The following SLC4A4 variants were observed in gnomAD, a reference collection of about 807,000 sequenced individuals.
SLC4A4 encodes solute carrier family 4 member 4.
A neutral mutation model predicts 111.5 loss-of-function variants in SLC4A4; 27 were observed. That is an observed-to-expected ratio of 0.24 (90% confidence interval 0.18 to 0.33). The LOEUF (loss-of-function observed/expected upper bound fraction) is 0.33. Ranked by LOEUF, SLC4A4 falls within the 10% of genes least tolerant of loss-of-function variation. The probability of loss-of-function intolerance (pLI) is 1.00; values close to 1 mark genes in which losing one functional copy is unlikely to be tolerated. For missense variants in SLC4A4, 909 were observed against 1,315.5 expected, an observed-to-expected ratio of 0.69 and a Z score of 4.78; for synonymous variants, 443 against 463.4, an observed-to-expected ratio of 0.96 and a Z score of 0.57.
intron 16 of SLC4A4, among the ~76,000 whole-genome samples, chr4:71,510,716 G>A (rs1462129892): frequency 1.3e-5 from 2 of 152,062 alleles, no homozygotes; most frequent in Admixed American, 1.3e-4. Context: ...TACATTCAAG[G>A]TAACTTTTAT....
intron 9 of SLC4A4, among the ~76,000 whole-genome samples, chr4:71,448,058 G>A (rs1469912348): frequency 2.0e-5 from 3 of 152,056 alleles, no homozygotes; most frequent in Non-Finnish European, 4.4e-5. Context: ...GGTGGCTCAC[G>A]CCTGTAATCC....
At chr4:71,300,662 T>C in intron 3 of SLC4A4, 4 of 379,916 alleles carry the variant, frequency 1.1e-5, no homozygotes, top group South Asian at 7.5e-5. Flanking sequence ...CAGTCCAGGA[T>C]GAGGAGCAGC....
In SLC4A4 at chr4:71,423,993, G is replaced by T. The variant is rs1041688599; in HGVS notation, c.808-16623G>T. ...AACAAAAGCCAAAATTGACAAATGG[G>T]ATCTAGTTAAACTAAAGAGCTTCTG... On this transcript the variant is annotated intron_variant, in intron 7 of 25. Transcript: ENST00000264485. 1.3e-5 allele frequency among the ~76,000 whole-genome samples: 2 copies of T among 152,178 alleles called. 1 individual carries two copies. Among genetic ancestry groups the T allele is most frequent in the African/African-American group, 4.8e-5 (2 of 41,546 alleles).
intron 4 of SLC4A4, among the ~76,000 whole-genome samples, chr4:71,341,058 G>A (rs1033129865): frequency 2.0e-5 from 3 of 152,084 alleles, no homozygotes; most frequent in Non-Finnish European, 4.4e-5. Flanking sequence ...TCATCATTAT[G>A]TGCTGATTCC....
intron 2 of SLC4A4, among the ~76,000 whole-genome samples, chr4:71,112,402 T>C (rs1743113023): frequency 6.6e-6 from 1 of 152,220 alleles, no homozygotes; most frequent in Non-Finnish European, 1.5e-5. Context: ...TTAATTAGCA[T>C]CAATTTTCAT....
intron 2 of SLC4A4, among the ~76,000 whole-genome samples, chr4:71,102,497 A>G (rs973185652): frequency 1.3e-5 from 2 of 152,200 alleles, no homozygotes; most frequent in African/African-American, 4.8e-5. Context: ...AAATGAAGGA[A>G]AAATGTTAAG....
intron 2 of SLC4A4, among the ~76,000 whole-genome samples, chr4:71,101,525 G>A (rs1742733354): frequency 6.6e-6 from 1 of 152,166 alleles, no homozygotes; most frequent in African/African-American, 2.4e-5. Context: ...TTGATTTAAA[G>A]TCTATTTGTC....
intron 2 of SLC4A4, among the ~76,000 whole-genome samples, chr4:71,107,909 C>G (rs142558366): frequency 6.6e-5 from 10 of 152,164 alleles, no homozygotes; most frequent in African/African-American, 4.8e-5. Flanking sequence ...ACTCGGTTGT[C>G]TAAGCTCCTT....
chr4:71,342,950 C>T lies in SLC4A4; in HGVS notation c.389+3445C>T, dbSNP rs537662394. On this transcript the variant is annotated intron_variant, in intron 4 of 25. Transcript: ENST00000264485. ...AGTGTTGGGAGTGTATCGTGTGTCA[C>T]GTCCACGCTGTATAACTTCTCTTTA... Among the ~76,000 whole-genome samples the T allele has an allele frequency of 5.9e-5, 9 of 152,246 alleles. No individual in the cohort carries two copies. The South Asian group carries it at 1.9e-3, about 32-fold the overall frequency.
rs372081161 is a variant in SLC4A4, at chr4:71,325,675, G to A, written c.254-13695G>A. Among the ~76,000 whole-genome samples the A allele has an allele frequency of 5.9e-5, 9 of 152,076 alleles. No individual in the cohort carries two copies. In the East Asian group the frequency reaches 1.5e-3, roughly 26 times the overall value. On this transcript the variant is annotated intron_variant, in intron 3 of 25. Transcript: ENST00000264485. ...ATTTACTCTGTTTCACCTATATCAG[G>A]TCAACTGCCCACTCAAAAATGAATT...
chr4:71,280,306 G>T (rs1013329215), intron 3 of SLC4A4, among the ~76,000 whole-genome samples: 3 of 152,168 alleles, frequency 2.0e-5, no homozygotes, highest in South Asian at 4.2e-4. Context: ...TCTTAACCCC[G>T]TATTAGATAT....
intron 2 of SLC4A4, among the ~76,000 whole-genome samples, chr4:71,145,926 G>GT (rs368162021): frequency 2.6e-5 from 4 of 152,024 alleles, no homozygotes; most frequent in African/African-American, 4.8e-5. Flanking sequence ...TTTTTGAAGG[G>GT]TTTTTTGTGT....
chr4:71,550,983 C>A (rs796741086), intron 20 of SLC4A4, among the ~76,000 whole-genome samples: 1 of 151,828 alleles, frequency 6.6e-6, no homozygotes, highest in African/African-American at 2.4e-5. Context: ...ACCACTGATT[C>A]GGTACTGAAC....
intron 2 of SLC4A4, among the ~76,000 whole-genome samples, chr4:71,142,834 C>A (rs1436116940): frequency 3.3e-5 from 5 of 149,566 alleles, no homozygotes; most frequent in Non-Finnish European, 5.9e-5. Context: ...CATGACCCTG[C>A]CAACTGACAA....
rs548857267 is a variant in SLC4A4 at position 71,254,928 on chromosome 4, A to C, written c.74-292A>C. Among the ~76,000 whole-genome samples, 19 of 152,292 alleles carry C rather than the reference A, an allele frequency of 1.2e-4. No individual in the cohort carries two copies. The South Asian group carries it at 2.5e-3, about 20-fold the overall frequency. ...TAATTGATGGCAGAGTATGACAAAC[A>C]TGAAGGATTCCTGATTTCCAGTTTG... is the stretch of plus-strand genomic sequence containing the variant. On this transcript the variant is annotated intron_variant, in intron 2 of 25. Transcript: ENST00000264485.
intron 1 of SLC4A4, among the ~76,000 whole-genome samples, chr4:71,219,334 A>G (rs945278750): frequency 6.6e-6 from 1 of 152,206 alleles, no homozygotes; most frequent in Non-Finnish European, 1.5e-5. Flanking sequence ...TCCTCTGCCT[A>G]TGCTCTGAAG....
At chr4:71,406,986 C>A (rs953708378) in intron 7 of SLC4A4, among the ~76,000 whole-genome samples, 1 of 152,126 alleles carries the variant, frequency 6.6e-6, no homozygotes, top group Admixed American at 6.6e-5. Context: ...TATTGGCAAA[C>A]TGGAGGCATG....
intron 20 of SLC4A4, among the ~76,000 whole-genome samples, chr4:71,551,169 G>T (rs1330753610): frequency 2.6e-5 from 4 of 151,854 alleles, no homozygotes; most frequent in African/African-American, 9.7e-5. Context: ...CATTTTTCTG[G>T]CAAGTCTGAA....
At chr4:71,146,254 G>C (rs543618962) in intron 2 of SLC4A4, among the ~76,000 whole-genome samples, 4 of 152,096 alleles carry the variant, frequency 2.6e-5, no homozygotes, top group Admixed American at 2.6e-4. Context: ...GTAGTTGAGC[G>C]GTTTTGAGTG....
Sources: gnomAD v4.1 joint callset for allele counts (sites outside exome capture counted in the v4.1 genomes callset) on GRCh38, gnomAD v4.1.1 for gene constraint, MANE v1.5 for transcripts, NCBI Gene and HGNC (gene_info 2026-07-23, HGNC 2026-07-21) for gene names.